Variants in IPMK observed in about 807,000 individuals in gnomAD.
IPMK encodes the protein inositol 1,3,4,6-tetrakisphosphate 5-kinase.
In IPMK, 17 loss-of-function variants were observed where a neutral mutation model predicts 45.8. That is an observed-to-expected ratio of 0.37 (90% CI 0.25 to 0.56). The LOEUF is 0.56. IPMK is among the 20% of genes least tolerant of loss of function. The pLI, the probability that IPMK is intolerant of heterozygous loss-of-function variation, is 0.79. For missense variants in IPMK, 399 were observed against 498.0 expected, an observed-to-expected ratio of 0.80 and a Z score of 1.89; for synonymous variants, 180 against 184.3, an observed-to-expected ratio of 0.98 and a Z score of 0.19.
intron 4 of IPMK, among the ~76,000 whole-genome samples, chr10:58,205,462 T>C (rs1486991578): frequency 3.3e-5 from 5 of 152,134 alleles, no homozygotes; most frequent in African/African-American, 1.2e-4. Context: ...CACAAGGAGA[T>C]GCTACTCGAC....
rs538912747 is a variant in IPMK, at chr10:58,230,040, G to C, written c.277-2901C>G. ...ATGGCTCAGTGGGTCCCATGCCCACGGAGCCTTGCTCATTGCTAGCGCAGC... is the reference window on the plus strand; with the variant it reads ...ATGGCTCAGTGGGTCCCATGCCCACCGAGCCTTGCTCATTGCTAGCGCAGC... On this transcript the variant is annotated intron_variant, in intron 2 of 5. Coordinates refer to ENST00000373935, the MANE Select transcript of IPMK (RefSeq NM_152230.5). 3.9e-4 allele frequency among the ~76,000 whole-genome samples: 59 copies of C among 152,306 alleles called. 2 individuals are homozygous for C. Among genetic ancestry groups the C allele is most frequent in the African/African-American group, 1.3e-3 (56 of 41,568 alleles).
chr10:58,215,167 C>A (rs1007573494), intron 4 of IPMK, among the ~76,000 whole-genome samples: 1 of 152,114 alleles, frequency 6.6e-6, no homozygotes, highest in East Asian at 1.9e-4. Flanking sequence ...CTTCCTGACA[C>A]AAGAACAATT....
intron 1 of IPMK, among the ~76,000 whole-genome samples, chr10:58,245,668 T>C (rs550386456): frequency 6.8e-5 from 10 of 148,148 alleles, no homozygotes; most frequent in Admixed American, 4.7e-4. Context: ...ATAATAAGAG[T>C]TATCTATGAC....
At chr10:58,233,344 C>T (rs1838556015) in intron 2 of IPMK, among the ~76,000 whole-genome samples, 1 of 152,112 alleles carries the variant, frequency 6.6e-6, no homozygotes, top group African/African-American at 2.4e-5. Flanking sequence ...ATCCTGATAC[C>T]AAAGCCTGGC....
intron 1 of IPMK, among the ~76,000 whole-genome samples, chr10:58,243,471 G>A (rs1444769471): frequency 6.6e-6 from 1 of 152,166 alleles, no homozygotes; most frequent in Non-Finnish European, 1.5e-5. Context: ...TCGGGCTCGG[G>A]TGATTCTCCT....
chr10:58,216,094 G>A lies in IPMK; in HGVS notation c.546+51C>T, dbSNP rs549992119. The A allele has an allele frequency of 5.4e-5, 63 of 1,176,534 alleles. No homozygotes were observed. The East Asian group carries it at 1.5e-3, about 28-fold the overall frequency. 72.9% of individuals were successfully genotyped at this position (1,176,534 alleles called of 1,614,324 possible). ...TACAATGACATCCATAATTTTCAAG[G>A]GAAGAACATGTACAGAGAAATGTGC... On this transcript the variant is annotated intron_variant, in intron 4 of 5. Coordinates refer to ENST00000373935, the MANE Select transcript of IPMK (RefSeq NM_152230.5).
chr10:58,262,614 A>C (rs1839089393), intron 1 of IPMK, among the ~76,000 whole-genome samples: 1 of 152,334 alleles, frequency 6.6e-6, no homozygotes, highest in African/African-American at 2.4e-5. Context: ...GGGCTCCTTG[A>C]AGAAATGGTT....
At chr10:58,262,794 TG>T (rs1839094767) in intron 1 of IPMK, among the ~76,000 whole-genome samples, 1 of 152,178 alleles carries the variant, frequency 6.6e-6, no homozygotes, top group Non-Finnish European at 1.5e-5. Context: ...AGTTCCATAA[TG>T]GGTAATGATA....
chr10:58,202,524 G>T (rs1262686024), intron 4 of IPMK, among the ~76,000 whole-genome samples: 1 of 152,118 alleles, frequency 6.6e-6, no homozygotes, highest in Admixed American at 6.6e-5. Flanking sequence ...AATTAGTTGG[G>T]TGTGGTGGCA....
At chr10:58,242,845 T>G (rs2486481) in intron 1 of IPMK, among the ~76,000 whole-genome samples, 20,325 of 152,102 alleles carry the variant, frequency 0.13, 1,693 homozygotes, top group African/African-American at 0.24. Context: ...GGGAGGTGAC[T>G]GGATCATGGG....
In IPMK at chr10:58,195,974, G is replaced by C. The variant is rs755988715; in HGVS notation, c.*102C>G. On this transcript the variant is annotated 3_prime_UTR_variant, in exon 6 of 6. Transcript: ENST00000373935. ...AAAGTATAAAGACAAATAAAATGTC[G>C]ACTCATAATACAAATTTTTTACATA... The C allele has an allele frequency of 9.3e-7, 1 of 1,073,384 alleles. No individual in the cohort carries two copies. The highest frequency in any genetic ancestry group is 1.3e-6 in the Non-Finnish European group (1 of 741,330). The allele number at this position is 1,073,384 out of a possible 1,614,324, so 66.5% of individuals were successfully genotyped here.
intron 1 of IPMK, among the ~76,000 whole-genome samples, chr10:58,262,434 G>C (rs1409128497): frequency 6.6e-6 from 1 of 152,086 alleles, no homozygotes; most frequent in African/African-American, 2.4e-5. Context: ...AAGAACTCGG[G>C]TTTAAATGAA....
chr10:58,193,281 G>A lies in IPMK; in HGVS notation c.*2795C>T, dbSNP rs566728446. The A allele has an allele frequency of 3.9e-4, 59 of 151,890 alleles. 2 individuals carry two copies. Among genetic ancestry groups the A allele is most frequent in the African/African-American group, 1.3e-3 (55 of 41,524 alleles). 9.4% of individuals were successfully genotyped at this position (151,890 alleles called of 1,614,324 possible). On this transcript the variant is annotated 3_prime_UTR_variant, in exon 6 of 6. Transcript: ENST00000373935. ...AATTATGCTCAATCAAAATACAGAC[G>A]AAGGTTCTTCAGTTAAACAGTTTAG...
At chr10:58,247,287 C>G (rs1264672541) in intron 1 of IPMK, among the ~76,000 whole-genome samples, 2 of 150,904 alleles carry the variant, frequency 1.3e-5, no homozygotes, top group African/African-American at 4.9e-5. Context: ...CCATTTGACC[C>G]AGCCATCCCA....
At chr10:58,253,809 C>A (rs1168430850) in intron 1 of IPMK, among the ~76,000 whole-genome samples, 4 of 150,424 alleles carry the variant, frequency 2.7e-5, no homozygotes, top group Non-Finnish European at 5.9e-5. Flanking sequence ...TCTTGGAGGA[C>A]AATTTTCCTT....
chr10:58,255,168 T>C (rs2790233), intron 1 of IPMK, among the ~76,000 whole-genome samples: 20,371 of 152,236 alleles, frequency 0.13, 1,701 homozygotes, highest in African/African-American at 0.24. Flanking sequence ...TCCCAGGTGA[T>C]TGGAGTACTG....
chr10:58,254,206 T>C (rs1838929492), intron 1 of IPMK, among the ~76,000 whole-genome samples: 1 of 152,096 alleles, frequency 6.6e-6, no homozygotes, highest in Non-Finnish European at 1.5e-5. Context: ...TCGTAATTCT[T>C]GTAGGCCCTC....
At chr10:58,235,881 A>T (rs1401598168) in intron 2 of IPMK, among the ~76,000 whole-genome samples, 2 of 152,070 alleles carry the variant, frequency 1.3e-5, no homozygotes, top group Non-Finnish European at 2.9e-5. Context: ...TTTATAGGTA[A>T]GTTCTATCAA....
At position 58,237,551 on chromosome 10, in the gene IPMK, T is replaced by C. The variant is rs77704287; in HGVS notation, c.276+178A>G. Among the ~76,000 whole-genome samples, 1,299 of 152,250 alleles carry C rather than the reference T, an allele frequency of 8.5e-3. 12 individuals are homozygous for C. Among genetic ancestry groups the C allele is most frequent in the Non-Finnish European group, 9.3e-3 (635 of 68,008 alleles). ...GAAGAATCTAAGAACTGAAATAGAA[T>C]AGAAAATACTAGACTGCATCACATA... On this transcript the variant is annotated intron_variant, in intron 2 of 5. Coordinates refer to ENST00000373935, the MANE Select transcript of IPMK (RefSeq NM_152230.5).
Sources: gnomAD v4.1 joint callset for allele counts (sites outside exome capture counted in the v4.1 genomes callset) on GRCh38, gnomAD v4.1.1 for gene constraint, MANE v1.5 for transcripts, NCBI Gene and HGNC (gene_info 2026-07-23, HGNC 2026-07-21) for gene names.